The following FSD1L variants were observed in gnomAD, a reference collection of about 807,000 sequenced individuals.
The protein encoded by FSD1L is FSD1-like protein.
In FSD1L, 45 loss-of-function variants were observed where a neutral mutation model predicts 71.6. The ratio of observed to expected loss-of-function variants is 0.63; its 90% CI spans 0.49 to 0.81. The LOEUF (loss-of-function observed/expected upper bound fraction) is 0.81. FSD1L is among the 30% of genes least tolerant of loss of function. The pLI, the probability that FSD1L is intolerant of heterozygous loss-of-function variation, is 0.00. For missense variants in FSD1L, 561 were observed against 618.1 expected, an observed-to-expected ratio of 0.91 and a Z score of 0.98; for synonymous variants, 197 against 207.2, an observed-to-expected ratio of 0.95 and a Z score of 0.42.
chr9:105,447,970 G>A (rs1317565090), upstream of FSD1L: 7 of 541,544 alleles, frequency 1.3e-5, no homozygotes, highest in Admixed American at 4.0e-5. Context: ...CTACTTCCCG[G>A]GAGCAGTCAG....
At chr9:105,495,940 G>A (rs1340250593) in intron 7 of FSD1L, among the ~76,000 whole-genome samples, 5 of 150,298 alleles carry the variant, frequency 3.3e-5, no homozygotes, top group Non-Finnish European at 5.9e-5. Context: ...CCACTGCACT[G>A]CAGCCTGGCA....
At chr9:105,477,673 A>G (rs1831896998) in intron 5 of FSD1L, among the ~76,000 whole-genome samples, 1 of 152,208 alleles carries the variant, frequency 6.6e-6, no homozygotes. Flanking sequence ...TAACACTTAC[A>G]TTAAAATCTT....
intron 10 of FSD1L, chr9:105,522,102 G>T (rs934090277): frequency 3.7e-6 from 6 of 1,613,478 alleles, no homozygotes; most frequent in Admixed American, 3.3e-5. Context: ...AGGTCGACTT[G>T]CAGGACCACT....
At chr9:105,541,542 T>C (rs1247591076) in intron 13 of FSD1L, among the ~76,000 whole-genome samples, 1 of 152,236 alleles carries the variant, frequency 6.6e-6, no homozygotes, top group Admixed American at 6.5e-5. Flanking sequence ...CATAAGATAC[T>C]GCAAGAAATT....
intron 4 of FSD1L, among the ~76,000 whole-genome samples, chr9:105,471,625 C>T (rs1452033067): frequency 1.3e-5 from 2 of 151,112 alleles, no homozygotes; most frequent in South Asian, 4.2e-4. Flanking sequence ...GTATCTTTAC[C>T]TGTATGCAGT....
chr9:105,452,336 C>T (rs528842189), intron 1 of FSD1L, among the ~76,000 whole-genome samples: 89 of 152,238 alleles, frequency 5.8e-4, no homozygotes, highest in African/African-American at 1.8e-3. Context: ...GTTCTGCATC[C>T]AGTATTGTGT....
chr9:105,458,221 A>G (rs1019871565), intron 1 of FSD1L, among the ~76,000 whole-genome samples: 6 of 152,132 alleles, frequency 3.9e-5, no homozygotes, highest in Non-Finnish European at 5.9e-5. Flanking sequence ...GGCTCAGGGA[A>G]TCCCGAGGTC....
At chr9:105,489,228 G>C (rs1832757125) in intron 7 of FSD1L, among the ~76,000 whole-genome samples, 2 of 152,066 alleles carry the variant, frequency 1.3e-5, no homozygotes, top group Non-Finnish European at 1.5e-5. Flanking sequence ...AAAATGCATG[G>C]TGAAGCCTAC....
chr9:105,493,983 A>T (rs1461495401), intron 7 of FSD1L, among the ~76,000 whole-genome samples: 1 of 151,992 alleles, frequency 6.6e-6, no homozygotes, highest in African/African-American at 2.4e-5. Flanking sequence ...TGTGTCTTGG[A>T]GTTGCTCTTC....
chr9:105,535,337 A>G lies in FSD1L; in HGVS notation c.1378+19A>G, dbSNP rs1176318325. On this transcript the variant is annotated intron_variant, in intron 12 of 13. Coordinates refer to ENST00000481272, the MANE Select transcript of FSD1L (RefSeq NM_001145313.3). Reference sequence around the variant, plus strand: ...GATGGGGGTAAGTTTATTTTCTCGTAGGTTATTTCATCATAGTTGCTTGCA... The same window carrying G: ...GATGGGGGTAAGTTTATTTTCTCGTGGGTTATTTCATCATAGTTGCTTGCA... 1.9e-6 allele frequency: 3 copies of G among 1,550,144 alleles called. No individual in the cohort carries two copies. Among genetic ancestry groups the G allele is most frequent in the Admixed American group, 3.9e-5 (2 of 50,962 alleles).
At chr9:105,521,723 T>C in intron 10 of FSD1L, 1 of 1,613,438 alleles carries the variant, frequency 6.2e-7, no homozygotes, top group Non-Finnish European at 8.5e-7. Flanking sequence ...CCAATACTGC[T>C]GATCATGTTC....
intron 10 of FSD1L, among the ~76,000 whole-genome samples, chr9:105,527,443 A>G (rs1835581926): frequency 6.6e-6 from 1 of 152,166 alleles, no homozygotes; most frequent in African/African-American, 2.4e-5. Context: ...TATTGTTAAT[A>G]CTGAACTTGC....
chr9:105,501,626 A>T (rs2225246), intron 7 of FSD1L, among the ~76,000 whole-genome samples: 1 of 148,892 alleles, frequency 6.7e-6, no homozygotes, highest in Non-Finnish European at 1.5e-5. Context: ...AGAGATAGAG[A>T]TCTCACTGTG....
At chr9:105,521,417 A>G (rs1422160698) in intron 10 of FSD1L, 2 of 1,614,070 alleles carry the variant, frequency 1.2e-6, no homozygotes, top group African/African-American at 1.3e-5. Context: ...GTATTGATGA[A>G]GAACATCTCA....
intron 5 of FSD1L, among the ~76,000 whole-genome samples, chr9:105,477,441 T>C (rs1337486845): frequency 6.6e-6 from 1 of 152,204 alleles, no homozygotes; most frequent in Non-Finnish European, 1.5e-5. Context: ...GGAGCCTCTT[T>C]CAGTGAAAGT....
intron 10 of FSD1L, among the ~76,000 whole-genome samples, chr9:105,515,789 T>C: frequency 9.9e-6 from 1 of 101,304 alleles, no homozygotes; most frequent in East Asian, 8.1e-4. Flanking sequence ...CTGCAGAAGG[T>C]TTTTTTTTTT....
At chr9:105,498,049 T>C (rs1169496800) in intron 7 of FSD1L, among the ~76,000 whole-genome samples, 1 of 151,990 alleles carries the variant, frequency 6.6e-6, no homozygotes, top group Non-Finnish European at 1.5e-5. Context: ...CTTACTGTGT[T>C]GCCTAGACTG....
In FSD1L at chr9:105,457,987, G is replaced by A. The variant is rs572165153; in HGVS notation, c.16-3533G>A. 2.0e-5 allele frequency among the ~76,000 whole-genome samples: 3 copies of A among 152,376 alleles called. No individual in the cohort carries two copies. The East Asian group carries it at 5.8e-4, about 29-fold the overall frequency. ...TGAAAACTCAGAGATGCCAGTAACTGCAGAGCCCCAAGGGGTCGGGGGCAG... is the reference window on the plus strand; with the variant it reads ...TGAAAACTCAGAGATGCCAGTAACTACAGAGCCCCAAGGGGTCGGGGGCAG... On this transcript the variant is annotated intron_variant, in intron 1 of 13. Transcript: ENST00000481272.
chr9:105,492,179 T>G (rs1832991364), intron 7 of FSD1L, among the ~76,000 whole-genome samples: 1 of 152,168 alleles, frequency 6.6e-6, no homozygotes, highest in Non-Finnish European at 1.5e-5. Flanking sequence ...TTTCAGAGCC[T>G]GTTATTGGTC....
Sources: allele counts gnomAD v4.1 joint callset (sites outside exome capture counted in the v4.1 genomes callset), GRCh38; gene constraint gnomAD v4.1.1; transcripts MANE v1.5; gene names NCBI Gene and HGNC (gene_info 2026-07-23, HGNC 2026-07-21).